SLCO6A1: variants seen among roughly 807,000 people sequenced by gnomAD.
SLCO6A1 encodes cancer/testis antigen 48.
SLCO6A1 carries 65 observed loss-of-function variants against 72.7 expected under a neutral mutation model. The ratio of observed to expected loss-of-function variants is 0.89; its 90% CI spans 0.73 to 1.10. The LOEUF (loss-of-function observed/expected upper bound fraction) is 1.10. Among genes scored for constraint, SLCO6A1 ranks in the 50% least tolerant of loss-of-function variants. The pLI, the probability that SLCO6A1 is intolerant of heterozygous loss-of-function variation, is 0.00. For missense variants in SLCO6A1, 874 were observed against 872.6 expected (o/e 1.00, Z -0.02); for synonymous variants, 314 against 298.2 (o/e 1.05, Z -0.55).
At chr5:102,454,684 T>G (rs1750608283) in intron 6 of SLCO6A1, among the ~76,000 whole-genome samples, 2 of 151,788 alleles carry the variant, frequency 1.3e-5, no homozygotes, top group African/African-American at 4.8e-5. Context: ...TTTCTGGCAG[T>G]AAACTTAAAA....
chr5:102,385,826 C>CTTTTTTTT (rs57983218), intron 12 of SLCO6A1, among the ~76,000 whole-genome samples: 12 of 121,192 alleles, frequency 9.9e-5, no homozygotes, highest in Non-Finnish European at 1.7e-4. Context: ...CCTGTTTTTC[C>CTTTTTTTT]TTTTTTTTTT....
At chr5:102,399,862 T>A in intron 9 of SLCO6A1, 120 bp from the exon 10 acceptor site, 1 of 631,598 alleles carries the variant, frequency 1.6e-6, no homozygotes, top group Non-Finnish European at 2.5e-6. Context: ...TATTTCAAAA[T>A]GTCTTTATAT....
At chr5:102,395,003 A>G (rs780464661) in intron 10 of SLCO6A1, among the ~76,000 whole-genome samples, 18 of 152,176 alleles carry the variant, frequency 1.2e-4, no homozygotes, top group Admixed American at 7.2e-4. Flanking sequence ...CTATTTGTTT[A>G]TAAGTCACTA....
chr5:102,419,340 C>A lies in SLCO6A1; in HGVS notation c.1472+486G>T, dbSNP rs1330108664. ...TTGTTCAGTCCTTTGGTTTCCAATT[C>A]CAGTTTTGTTATTTAGTATTTAATA... is the stretch of plus-strand genomic sequence containing the variant. On this transcript the variant is annotated intron_variant, in intron 8 of 13. Transcript: ENST00000506729. Among the ~76,000 whole-genome samples, 3 of 152,188 alleles carry A rather than the reference C, an allele frequency of 2.0e-5. No individual in the cohort carries two copies. The East Asian group carries it at 5.8e-4, about 29-fold the overall frequency.
chr5:102,408,079 T>A (rs1376898), intron 9 of SLCO6A1, among the ~76,000 whole-genome samples: 1 of 151,982 alleles, frequency 6.6e-6, no homozygotes, highest in Non-Finnish European at 1.5e-5. Context: ...ATGTCTGAAA[T>A]CATGAATAGA....
At chr5:102,446,992 A>T (rs1350409788) in intron 6 of SLCO6A1, among the ~76,000 whole-genome samples, 1 of 152,090 alleles carries the variant, frequency 6.6e-6, no homozygotes, top group Non-Finnish European at 1.5e-5. Context: ...TGACCTCGTG[A>T]TTTGCCACCT....
At chr5:102,413,243 A>G in intron 8 of SLCO6A1, 100 bp from the exon 9 acceptor site, 1 of 1,201,562 alleles carries the variant, frequency 8.3e-7, no homozygotes, top group East Asian at 2.8e-5. Flanking sequence ...TGCTTATTGA[A>G]ATAATTTCTT....
chr5:102,476,249 A>C (rs2112815879), intron 3 of SLCO6A1, among the ~76,000 whole-genome samples: 1 of 152,290 alleles, frequency 6.6e-6, no homozygotes, highest in East Asian at 1.9e-4. Flanking sequence ...TGACCTTCAA[A>C]AAACAAAGAC....
chr5:102,472,113 C>T (rs9327859), intron 4 of SLCO6A1, among the ~76,000 whole-genome samples: 1 of 152,020 alleles, frequency 6.6e-6, no homozygotes, highest in East Asian at 1.9e-4. Flanking sequence ...CAGGGGAATA[C>T]ATTGAGGCTG....
chr5:102,460,401 T>C lies in SLCO6A1; in HGVS notation c.900-624A>G, dbSNP rs532639856. Among the ~76,000 whole-genome samples, 20 of 152,194 alleles carry C rather than the reference T, an allele frequency of 1.3e-4. No homozygotes were observed. In the South Asian group the frequency reaches 4.1e-3, roughly 32 times the overall value. ...CTTTGTTCACCATAAAGCCTTGCAGTGGGGAAGGTGATATTGGAAAGTCGA... is the reference window on the plus strand; with the variant it reads ...CTTTGTTCACCATAAAGCCTTGCAGCGGGGAAGGTGATATTGGAAAGTCGA... On this transcript the variant is annotated intron_variant, in intron 4 of 13. Transcript: ENST00000506729.
At position 102,419,883 on chromosome 5, in the gene SLCO6A1, A is replaced by G. The variant is rs753232467; in HGVS notation, c.1415T>C (p.Ile472Thr). ...SVISLILLVF[I>T]IFVRCNPVQF... ...CACTGGATTACAGCGTACAAAAATA[A>G]TAAACACAAGCAGTATAAGTGATAT... The change falls in exon 8 of 14, where the codon ATT becomes ACT. Residue 472 changes from isoleucine to threonine, a missense_variant. Ile to Thr is a moderately conservative substitution (Grantham distance 89). Coordinates refer to ENST00000506729, the MANE Select transcript of SLCO6A1 (RefSeq NM_173488.5). The G allele has an allele frequency of 6.2e-7, 1 of 1,607,920 alleles. No homozygotes were observed. The highest frequency in any genetic ancestry group is 1.3e-5 in the African/African-American group (1 of 74,722).
At chr5:102,475,102 T>G (rs778439932) in intron 4 of SLCO6A1, among the ~76,000 whole-genome samples, 13 of 152,006 alleles carry the variant, frequency 8.6e-5, no homozygotes, top group Admixed American at 8.5e-4. Context: ...TACAAAAGAA[T>G]TGACAACAGG....
intron 4 of SLCO6A1, 46 bp from the exon 5 acceptor site, chr5:102,459,823 AT>A: frequency 6.7e-7 from 1 of 1,502,282 alleles, no homozygotes; most frequent in Admixed American, 2.3e-5. Flanking sequence ...TAGGTATTTG[AT>A]TACAACAAAA....
At chr5:102,413,922 G>A (rs1427521937) in intron 8 of SLCO6A1, among the ~76,000 whole-genome samples, 3 of 151,944 alleles carry the variant, frequency 2.0e-5, no homozygotes, top group African/African-American at 4.8e-5. Flanking sequence ...TTAAATATCT[G>A]TTCAAATCAT....
intron 4 of SLCO6A1, among the ~76,000 whole-genome samples, chr5:102,469,988 C>G (rs55660231): frequency 0.19 from 28,484 of 152,092 alleles, 3,531 homozygotes; most frequent in Non-Finnish European, 0.24. Flanking sequence ...GTTGAACCAG[C>G]CTTGCATCCC....
chr5:102,399,085 T>G (rs186638513), intron 10 of SLCO6A1, among the ~76,000 whole-genome samples: 1 of 152,068 alleles, frequency 6.6e-6, no homozygotes, highest in Non-Finnish European at 1.5e-5. Context: ...GCATAAATAA[T>G]AAATGTTGGT....
chr5:102,372,939 A>C (rs1750703251), intron 13 of SLCO6A1, among the ~76,000 whole-genome samples: 1 of 151,882 alleles, frequency 6.6e-6, no homozygotes, highest in Non-Finnish European at 1.5e-5. Context: ...CTTAAGTGGC[A>C]AATATACTTT....
intron 7 of SLCO6A1, 59 bp downstream of exon 7, chr5:102,438,558 A>C: frequency 7.7e-7 from 1 of 1,293,950 alleles, no homozygotes; most frequent in South Asian, 1.6e-5. Flanking sequence ...AGTATTTCAT[A>C]AGTACATACA....
At chr5:102,375,116 C>T (rs17272932) in intron 12 of SLCO6A1, among the ~76,000 whole-genome samples, 2,740 of 152,176 alleles carry the variant, frequency 0.018, 48 homozygotes, top group Admixed American at 0.053. Flanking sequence ...TTCATTTGGT[C>T]TAACAGGGCT....
Sources: allele counts gnomAD v4.1 joint callset (sites outside exome capture counted in the v4.1 genomes callset), GRCh38; gene constraint gnomAD v4.1.1; transcripts MANE v1.5; gene names NCBI Gene and HGNC (gene_info 2026-07-23, HGNC 2026-07-21).